The following ALPK1 variants were observed in gnomAD, a reference collection of about 807,000 sequenced individuals.
The protein encoded by ALPK1 is alpha kinase 1, also known as alpha-protein kinase 1.
ALPK1 carries 110 observed loss-of-function variants against 120.6 expected under a neutral mutation model. The ratio of observed to expected loss-of-function variants is 0.91; its 90% CI spans 0.78 to 1.07. ALPK1 has a LOEUF of 1.07. ALPK1 is among the 50% of genes least tolerant of loss of function. The pLI is 0.00. For synonymous variants in ALPK1, 582 were observed against 560.3 expected, an observed-to-expected ratio of 1.04 and a Z score of -0.55; for missense variants, 1,498 against 1,483.9, an observed-to-expected ratio of 1.01 and a Z score of -0.16.
chr4:112,335,622 G>C (rs1250639151), intron 2 of ALPK1, among the ~76,000 whole-genome samples: 3 of 152,062 alleles, frequency 2.0e-5, no homozygotes, highest in African/African-American at 7.2e-5. Flanking sequence ...CTGCATAATG[G>C]ATATAATATA....
At position 112,431,792 on chromosome 4, in the gene ALPK1, G is replaced by T; in HGVS notation, c.2245G>T (p.Glu749Ter). Residue 749 changes from glutamate to a stop codon, truncating the protein, a stop_gained, in exon 11 of 16, where the codon GAG becomes TAG. Coordinates refer to ENST00000650871, the MANE Select transcript of ALPK1 (RefSeq NM_025144.4). LOFTEE classifies it high-confidence loss of function. ...QKEEAFEIIV[E>*]FPETNCDVKD... The stretch of plus-strand genomic sequence containing the variant: ...AGAAGAAGCCTTTGAAATAATTGTT[G>T]AGTTTCCAGAAACCAACTGCGATGT... 6.2e-7 allele frequency: 1 copy of T among 1,614,142 alleles called. No individual in the cohort carries two copies. The highest frequency in any genetic ancestry group is 1.1e-5 in the South Asian group (1 of 91,086).
In ALPK1 at chr4:112,441,042, C is replaced by A. The variant is rs1735019723; in HGVS notation, c.3664C>A (p.His1222Asn). Residue 1222 changes from histidine to asparagine, a missense_variant, in exon 15 of 16, where the codon CAT (histidine) becomes AAT (asparagine). By Grantham distance (68) the His-to-Asn change is moderately conservative. Coordinates refer to ENST00000650871, the MANE Select transcript of ALPK1 (RefSeq NM_025144.4). ...RGIFYFFNNQHVECNEICHRL... is the reference protein window; with the variant it reads ...RGIFYFFNNQNVECNEICHRL... Reference sequence around the variant, plus strand: ...AATTTTTTACTTCTTTAATAACCAGCATGTGGAATGTAATGAAATCTGCCA... The same window carrying A: ...AATTTTTTACTTCTTTAATAACCAGAATGTGGAATGTAATGAAATCTGCCA... The A allele has an allele frequency of 3.1e-6, 5 of 1,613,924 alleles. No individual in the cohort carries two copies. Among genetic ancestry groups the A allele is most frequent in the Non-Finnish European group, 4.2e-6 (5 of 1,179,880 alleles).
At chr4:112,433,901 C>T (rs564702421) in intron 11 of ALPK1, among the ~76,000 whole-genome samples, 10 of 152,152 alleles carry the variant, frequency 6.6e-5, no homozygotes, top group East Asian at 1.9e-4. Flanking sequence ...GTCTGGAGTG[C>T]GGACCCAGGG....
At position 112,416,141 on chromosome 4, in the gene ALPK1, C is replaced by T. The variant is rs193035213; in HGVS notation, c.475+4116C>T. ...AAAGATCTTATTAAAATGCAGATTCCGATTCAGTAGATCTCTGGTACGGCC... is the reference window on the plus strand; with the variant it reads ...AAAGATCTTATTAAAATGCAGATTCTGATTCAGTAGATCTCTGGTACGGCC... On this transcript the variant is annotated intron_variant, in intron 5 of 15. Coordinates refer to ENST00000650871, the MANE Select transcript of ALPK1 (RefSeq NM_025144.4). 3.5e-3 allele frequency among the ~76,000 whole-genome samples: 526 copies of T among 152,212 alleles called. 10 individuals are homozygous for T. The highest frequency in any genetic ancestry group is 1.1e-3 in the Non-Finnish European group (77 of 67,994).
chr4:112,426,447 G>A lies in ALPK1; in HGVS notation c.623-20G>A, dbSNP rs370167201. The A allele has an allele frequency of 1.6e-5, 25 of 1,582,210 alleles. No homozygotes were observed. The African/African-American group carries it at 2.4e-4, about 15-fold the overall frequency. On this transcript the variant is annotated intron_variant, in intron 7 of 15. Transcript: ENST00000650871. Reference sequence around the variant, plus strand: ...CTGTTCCTCCCCTGTCCCTCTCCCCGCCCCTCTTTTTTTTTTCAGGGATGT... The same window carrying A: ...CTGTTCCTCCCCTGTCCCTCTCCCCACCCCTCTTTTTTTTTTCAGGGATGT...
At chr4:112,360,285 T>TTG (rs1480006138) in intron 2 of ALPK1, among the ~76,000 whole-genome samples, 1 of 152,134 alleles carries the variant, frequency 6.6e-6, no homozygotes, top group Non-Finnish European at 1.5e-5. Flanking sequence ...TAATATTCCA[T>TTG]TGTGTGTATA....
intron 5 of ALPK1, among the ~76,000 whole-genome samples, chr4:112,417,273 G>C (rs1352987905): frequency 1.3e-5 from 2 of 152,092 alleles, no homozygotes; most frequent in African/African-American, 4.8e-5. Context: ...AAGAAGTGGA[G>C]AGTAAAAAAA....
chr4:112,349,550 T>TG (rs1491133467), intron 2 of ALPK1, among the ~76,000 whole-genome samples: 2 of 65,056 alleles, frequency 3.1e-5, no homozygotes, highest in Admixed American at 3.6e-4. Context: ...CCCCAACCCC[T>TG]GCCCCCCCCC....
chr4:112,430,743 AG>A lies in ALPK1; in HGVS notation c.1198del (p.Asp400ThrfsTer12). 1 of 1,614,260 alleles carries A rather than the reference AG, an allele frequency of 6.2e-7. No homozygotes were observed. Among genetic ancestry groups the A allele is most frequent in the East Asian group, 2.2e-5 (1 of 44,888 alleles). ...AATTTCAGCACTTCCTCCAGAAGTC[AG>A]GACAGAGAAGCTCTGTCTCAAGAAG... ...LYNFSTSSRS[Q>X]DREALSQEVM... is the part of the protein sequence containing the mutation. On this transcript the variant is annotated frameshift_variant, in exon 11 of 16. Coordinates refer to ENST00000650871, the MANE Select transcript of ALPK1 (RefSeq NM_025144.4). LOFTEE classifies it high-confidence loss of function.
At chr4:112,416,029 G>GT (rs1733731877) in intron 5 of ALPK1, among the ~76,000 whole-genome samples, 1 of 152,230 alleles carries the variant, frequency 6.6e-6, no homozygotes, top group African/African-American at 2.4e-5. Context: ...CACTCTCAGT[G>GT]TTTCACTTAA....
chr4:112,315,210 A>G (rs1233994222), intron 1 of ALPK1, among the ~76,000 whole-genome samples: 1 of 152,230 alleles, frequency 6.6e-6, no homozygotes, highest in Middle Eastern at 3.4e-3. Flanking sequence ...ACAATAAAGT[A>G]GTAATTATTA....
At chr4:112,435,868 G>A (rs981395467) in intron 12 of ALPK1, among the ~76,000 whole-genome samples, 3 of 152,188 alleles carry the variant, frequency 2.0e-5, no homozygotes, top group Non-Finnish European at 2.9e-5. Context: ...AAAGACTCAG[G>A]AATGGCTACA....
intron 4 of ALPK1, among the ~76,000 whole-genome samples, chr4:112,409,565 G>C (rs1014303138): frequency 6.6e-6 from 1 of 151,978 alleles, no homozygotes; most frequent in Non-Finnish European, 1.5e-5. Context: ...AGGAATTACA[G>C]GGTCAAGCAG....
chr4:112,357,990 G>A (rs749452307), intron 2 of ALPK1: 126 of 675,128 alleles, frequency 1.9e-4, no homozygotes, highest in Middle Eastern at 3.0e-4. Flanking sequence ...GCGGTATGCC[G>A]GGGAAACACT....
chr4:112,421,032 C>T (rs1460646071), intron 5 of ALPK1, among the ~76,000 whole-genome samples: 2 of 152,038 alleles, frequency 1.3e-5, no homozygotes, highest in Non-Finnish European at 2.9e-5. Context: ...GGGGTTTCAC[C>T]ATATTGGTCA....
chr4:112,328,076 A>G (rs1474748191), intron 2 of ALPK1, among the ~76,000 whole-genome samples: 1 of 152,368 alleles, frequency 6.6e-6, no homozygotes, highest in East Asian at 1.9e-4. Flanking sequence ...GATAGGGGGA[A>G]TATTAAGCAA....
At chr4:112,427,756 G>C in intron 9 of ALPK1, 91 bp downstream of exon 9, 1 of 876,776 alleles carries the variant, frequency 1.1e-6, no homozygotes, top group Admixed American at 2.0e-5. Flanking sequence ...CAGGAGATTG[G>C]GAGGCAGGGA....
chr4:112,325,828 A>G (rs1404280368), intron 2 of ALPK1, among the ~76,000 whole-genome samples: 1 of 152,186 alleles, frequency 6.6e-6, no homozygotes, highest in South Asian at 2.1e-4. Flanking sequence ...TGAATTTTTC[A>G]GGCACTCCAG....
intron 4 of ALPK1, among the ~76,000 whole-genome samples, chr4:112,401,564 T>A (rs925217935): frequency 2.0e-5 from 3 of 152,144 alleles, no homozygotes; most frequent in African/African-American, 7.2e-5. Context: ...GACACCAGTG[T>A]GCTGGAGGAA....
Sources: allele counts gnomAD v4.1 joint callset (sites outside exome capture counted in the v4.1 genomes callset), GRCh38; gene constraint gnomAD v4.1.1; transcripts MANE v1.5; gene names NCBI Gene and HGNC (gene_info 2026-07-23, HGNC 2026-07-21).